The following TRAF4 variants were observed in gnomAD, a reference collection of about 807,000 sequenced individuals.
TRAF4 encodes TNF receptor-associated factor 4.
A neutral mutation model predicts 47.3 loss-of-function variants in TRAF4; 9 were observed. The ratio of observed to expected loss-of-function variants is 0.19; its 90% CI spans 0.11 to 0.33. The LOEUF (loss-of-function observed/expected upper bound fraction) is 0.33, where lower values mean the gene tolerates loss of function less well. TRAF4 is among the 10% of genes least tolerant of loss of function. TRAF4 has a pLI of 1.00. For synonymous variants in TRAF4, 236 were observed against 236.9 expected, an observed-to-expected ratio of 1.00 and a Z score of 0.04; for missense variants, 448 against 620.3, an observed-to-expected ratio of 0.72 and a Z score of 2.95.
intron 1 of TRAF4, among the ~76,000 whole-genome samples, 192 bp downstream of exon 1, chr17:28,744,447 G>T (rs1262155617): frequency 6.6e-6 from 1 of 152,050 alleles, no homozygotes; most frequent in Non-Finnish European, 1.5e-5. Context: ...GAATCCGAGG[G>T]GTCCGGGCGG....
chr17:28,744,407 G>A, intron 1 of TRAF4, 152 bp downstream of exon 1: 1 of 929,254 alleles, frequency 1.1e-6, no homozygotes, highest in Non-Finnish European at 1.5e-6. Flanking sequence ...GAGGGATGAC[G>A]TCAAGCCCCG....
Position 28,750,003 on chromosome 17 carries a change from G to GT in TRAF4, c.*428dup, listed in dbSNP as rs1391088948. ...CCTTTACCTAGCTGTGCCCCCTCTG[G>GT]TTATTTATTTCCTTAGTGCCAGGAG... On this transcript the variant is annotated 3_prime_UTR_variant, in exon 7 of 7. Transcript: ENST00000262395. 1 of 624,674 alleles carries GT rather than the reference G, an allele frequency of 1.6e-6. No homozygotes were observed. Among genetic ancestry groups the GT allele is most frequent in the Non-Finnish European group, 2.9e-6 (1 of 343,604 alleles). The allele number at this position is 624,674 out of a possible 1,614,324, so 38.7% of individuals were successfully genotyped here.
Position 28,750,080 on chromosome 17 carries a change from A to C in TRAF4, c.*503A>C. ...AATAAATCCGGAATTGTATTTATTA[A>C]TTTGCTTCCAGCCTGACTTACCTGG... is the stretch of plus-strand genomic sequence containing the variant. On this transcript the variant is annotated 3_prime_UTR_variant, in exon 7 of 7. Coordinates refer to ENST00000262395, the MANE Select transcript of TRAF4 (RefSeq NM_004295.4). 2 of 572,630 alleles carry C rather than the reference A, an allele frequency of 3.5e-6. No individual in the cohort carries two copies. The highest frequency in any genetic ancestry group is 6.2e-6 in the Non-Finnish European group (2 of 321,564). 35.5% of individuals were successfully genotyped at this position (572,630 alleles called of 1,614,324 possible).
rs931731337 is a variant in TRAF4, at chr17:28,750,198, A to C, written c.*621A>C. ...CTGCCTGGGTCTGGCCCCAGGATCC[A>C]GCTTACCTGCTGGCTCGCCCTCTGA... On this transcript the variant is annotated 3_prime_UTR_variant, in exon 7 of 7. Transcript: ENST00000262395. 1 of 381,054 alleles carries C rather than the reference A, an allele frequency of 2.6e-6. No individual in the cohort carries two copies. The highest frequency in any genetic ancestry group is 4.7e-6 in the Non-Finnish European group (1 of 210,712). The allele number at this position is 381,054 out of a possible 1,614,324, so 23.6% of individuals were successfully genotyped here. A position where few individuals can be genotyped will look rare whatever the true frequency, so the allele number is the denominator to read the frequency against.
intron 2 of TRAF4, 60 bp from the exon 3 acceptor site, chr17:28,747,783 T>TTTG (rs773514538): frequency 1.3e-6 from 2 of 1,532,054 alleles, no homozygotes; most frequent in South Asian, 2.4e-5. Flanking sequence ...GGTCTAGGGG[T>TTTG]GGGAACTGGG....
At chr17:28,748,823 C>G (rs2151739476) in intron 6 of TRAF4, 122 bp from the exon 7 acceptor site, 1 of 1,477,676 alleles carries the variant, frequency 6.8e-7, no homozygotes, top group Middle Eastern at 2.2e-4. Context: ...TCCTAACACC[C>G]TCTGTCTTCC....
Position 28,750,275 on chromosome 17 carries a change from C to CT in TRAF4, c.*699dup, listed in dbSNP as rs1368029975. The CT allele has an allele frequency of 4.1e-6, 1 of 246,364 alleles. No individual in the cohort carries two copies. Among genetic ancestry groups the CT allele is most frequent in the Non-Finnish European group, 7.9e-6 (1 of 126,532 alleles). The allele number at this position is 246,364 out of a possible 1,614,324, so 15.3% of individuals were successfully genotyped here. ...TTTGTGTGGAAGACGGTCCCTGCCA[C>CT]TGCCCTCTGCCGATGAAATGCGGGA... On this transcript the variant is annotated 3_prime_UTR_variant, in exon 7 of 7. Transcript: ENST00000262395.
intron 1 of TRAF4, 94 bp from the exon 2 acceptor site, chr17:28,747,119 G>A (rs2034524899): frequency 8.3e-6 from 12 of 1,438,852 alleles, no homozygotes; most frequent in Non-Finnish European, 1.1e-5. Flanking sequence ...GAACCGGTCT[G>A]GTGAGGAAGG....
rs142126345 is a variant in TRAF4, at chr17:28,748,578, C to T, written c.692C>T (p.Ala231Val). The T allele has an allele frequency of 1.2e-6, 2 of 1,613,188 alleles. No homozygotes were observed. The highest frequency in any genetic ancestry group is 2.7e-5 in the African/African-American group (2 of 74,916). The change falls in exon 6 of 7, where the codon GCT becomes GTT. Residue 231 changes from alanine (A) to valine (V), a missense_variant. Transcript: ENST00000262395. The part of the protein sequence containing the change: ...CPNQCGVGTV[A>V]REDLPGHLKD... ...AACCAATGTGGTGTGGGCACTGTGG[C>T]TCGGGAGGACCTGCCAGGCCATCTG...
intron 1 of TRAF4, among the ~76,000 whole-genome samples, chr17:28,746,353 A>G (rs1409690063): frequency 6.6e-6 from 1 of 152,226 alleles, no homozygotes; most frequent in Non-Finnish European, 1.5e-5. Context: ...AAGCATGCCA[A>G]CAGGCTCCTT....
Position 28,749,638 on chromosome 17 carries a change from A to T in TRAF4, c.*61A>T. ...CATGACCTCAGTCAGGCACTGGCTG[A>T]ACTTGGAGAGGGGGCCGGACCCCCG... On this transcript the variant is annotated 3_prime_UTR_variant, in exon 7 of 7. Coordinates refer to ENST00000262395, the MANE Select transcript of TRAF4 (RefSeq NM_004295.4). 1.3e-6 allele frequency: 2 copies of T among 1,583,492 alleles called. No homozygotes were observed. Among genetic ancestry groups the T allele is most frequent in the South Asian group, 1.2e-5 (1 of 86,126 alleles).
chr17:28,748,767 G>A, intron 6 of TRAF4, 101 bp downstream of exon 6: 3 of 1,529,702 alleles, frequency 2.0e-6, no homozygotes, highest in Non-Finnish European at 2.6e-6. Flanking sequence ...CTGCTGTGCT[G>A]CTCTGAAACC....
At chr17:28,748,467 T>G (rs746997526) in intron 5 of TRAF4, 44 bp downstream of exon 5, 1 of 1,607,382 alleles carries the variant, frequency 6.2e-7, no homozygotes, top group Non-Finnish European at 8.5e-7. Context: ...AGGTGACAGG[T>G]AGTCAGGATA....
rs377694420 is a variant in TRAF4 at position 28,748,797 on chromosome 17, G to T, written c.780+131G>T. The T allele has an allele frequency of 2.0e-4, 302 of 1,482,940 alleles. 5 individuals carry two copies. In the South Asian group the frequency reaches 3.7e-3, roughly 18 times the overall value. 91.9% of individuals were successfully genotyped at this position (1,482,940 alleles called of 1,614,324 possible). A position where few individuals can be genotyped will look rare whatever the true frequency, so the allele number is the denominator to read the frequency against. On this transcript the variant is annotated intron_variant, in intron 6 of 6. Transcript: ENST00000262395. ...GAAACCCTCAGTCCTTCCCTCTGCT[G>T]CCAGCTCCAGCCTCTTCCTAACACC...
rs1257732013 is a variant in TRAF4 at position 28,744,178 on chromosome 17, G to GA, written c.68dup (p.Pro24AlafsTer26). 1 of 1,596,420 alleles carries GA rather than the reference G, an allele frequency of 6.3e-7. No homozygotes were observed. Among genetic ancestry groups the GA allele is most frequent in the African/African-American group, 1.3e-5 (1 of 74,534 alleles). ...GACGGCTGCTGTGCCCACTGTGCGG[G>GA]AAGCCCATGCGCGAGCCTGTGCAGG... On this transcript the variant is annotated frameshift_variant, in exon 1 of 7. Coordinates refer to ENST00000262395, the MANE Select transcript of TRAF4 (RefSeq NM_004295.4). LOFTEE classifies it high-confidence loss of function.
chr17:28,748,731 C>T (rs1479207750), intron 6 of TRAF4, 65 bp downstream of exon 6: 5 of 1,582,476 alleles, frequency 3.2e-6, no homozygotes, highest in African/African-American at 1.3e-5. Flanking sequence ...GGCTCAGCTT[C>T]TGATGTACTT....
chr17:28,744,176 G>A lies in TRAF4; in HGVS notation c.64G>A (p.Gly22Arg), dbSNP rs1281506149. 14 of 1,596,786 alleles carry A rather than the reference G, an allele frequency of 8.8e-6. No homozygotes were observed. The highest frequency in any genetic ancestry group is 2.7e-5 in the African/African-American group (2 of 74,542). ...PKRRLLCPLC[G>R]KPMREPVQVS... ...GCGACGGCTGCTGTGCCCACTGTGC[G>A]GGAAGCCCATGCGCGAGCCTGTGCA... The change falls in exon 1 of 7, where the codon GGG (glycine) becomes AGG (arginine). Residue 22 changes from glycine to arginine, a missense_variant. Coordinates refer to ENST00000262395, the MANE Select transcript of TRAF4 (RefSeq NM_004295.4).
Position 28,749,825 on chromosome 17 carries a change from T to C in TRAF4, c.*248T>C. The stretch of plus-strand genomic sequence containing the variant: ...GTGACCCCAGGGCCTGTCTCCCTTC[T>C]TGGGTAGGGCAGACATGCCTTGGTG... On this transcript the variant is annotated 3_prime_UTR_variant, in exon 7 of 7. Transcript: ENST00000262395. 1.4e-6 allele frequency: 1 copy of C among 725,846 alleles called. No homozygotes were observed. The highest frequency in any genetic ancestry group is 2.0e-5 in the Admixed American group (1 of 50,024). The allele number at this position is 725,846 out of a possible 1,614,324, so 45.0% of individuals were successfully genotyped here. A position where few individuals can be genotyped will look rare whatever the true frequency, so the allele number is the denominator to read the frequency against.
In TRAF4 at chr17:28,750,658, C is replaced by T. The variant is rs534595255; in HGVS notation, c.*1081C>T. The T allele has an allele frequency of 6.9e-6, 1 of 145,634 alleles. No homozygotes were observed. Among genetic ancestry groups the T allele is most frequent in the Non-Finnish European group, 1.5e-5 (1 of 65,394 alleles). The allele number at this position is 145,634 out of a possible 1,614,324, so 9.0% of individuals were successfully genotyped here. On this transcript the variant is annotated 3_prime_UTR_variant, in exon 7 of 7. Coordinates refer to ENST00000262395, the MANE Select transcript of TRAF4 (RefSeq NM_004295.4). ...ACTTGGATTTTCTCCTGTCTCTCATCGGCTTTTCTTAACGGGCCTCAGTGG... is the reference window on the plus strand; with the variant it reads ...ACTTGGATTTTCTCCTGTCTCTCATTGGCTTTTCTTAACGGGCCTCAGTGG...
Sources: gnomAD v4.1 joint callset for allele counts (sites outside exome capture counted in the v4.1 genomes callset) on GRCh38, gnomAD v4.1.1 for gene constraint, MANE v1.5 for transcripts, NCBI Gene and HGNC (gene_info 2026-07-23, HGNC 2026-07-21) for gene names.